Variants in LURAP1L observed in about 807,000 individuals in gnomAD.
LURAP1L encodes the protein leucine rich adaptor protein 1-like.
In LURAP1L, 12 loss-of-function variants were observed where a neutral mutation model predicts 13.8. The ratio of observed to expected loss-of-function variants is 0.87; its 90% CI spans 0.56 to 1.41. The LOEUF (loss-of-function observed/expected upper bound fraction) is 1.41, where lower values mean the gene tolerates loss of function less well. LURAP1L is among the 40% of genes most tolerant of loss of function. LURAP1L has a pLI of 0.00. For synonymous variants in LURAP1L, 139 were observed against 119.2 expected, an observed-to-expected ratio of 1.17 and a Z score of -1.08; for missense variants, 375 against 292.9, an observed-to-expected ratio of 1.28 and a Z score of -2.04.
intron 1 of LURAP1L, among the ~76,000 whole-genome samples, chr9:12,790,320 A>G (rs970467445): frequency 4.6e-5 from 7 of 152,156 alleles, no homozygotes; most frequent in Non-Finnish European, 7.4e-5. Context: ...ATCAATGCTT[A>G]TATGTCCTTA....
In LURAP1L at chr9:12,775,610, G is replaced by C. The variant is rs1285869976; in HGVS notation, c.-106G>C. The C allele has an allele frequency of 2.0e-5, 29 of 1,461,528 alleles. No homozygotes were observed. Among genetic ancestry groups the C allele is most frequent in the Admixed American group, 2.8e-5 (1 of 35,984 alleles). The allele number at this position is 1,461,528 out of a possible 1,614,324, so 90.5% of individuals were successfully genotyped here. Reference sequence around the variant, plus strand: ...GTACACCGGAGCGGCGGAGGATAGAGACCCTGGCCCCCGGAGAGGTCTGCT... The same window carrying C: ...GTACACCGGAGCGGCGGAGGATAGACACCCTGGCCCCCGGAGAGGTCTGCT... On this transcript the variant is annotated 5_prime_UTR_variant, in exon 1 of 2. Transcript: ENST00000319264.
rs1049121350 is a variant in LURAP1L, at chr9:12,822,546, G to C, written c.*786G>C. Among the ~76,000 whole-genome samples, 2 of 152,192 alleles carry C rather than the reference G, an allele frequency of 1.3e-5. No homozygotes were observed. The highest frequency in any genetic ancestry group is 1.3e-4 in the Admixed American group (2 of 15,290). On this transcript the variant is annotated 3_prime_UTR_variant, in exon 2 of 2. Coordinates refer to ENST00000319264, the MANE Select transcript of LURAP1L (RefSeq NM_203403.2). The stretch of plus-strand genomic sequence containing the variant: ...TTTGAGATTTTGTTGGCATTTACTT[G>C]TATGTATTTTGTGATTCTGATAGGA...
At chr9:12,798,214 G>A (rs1039804303) in intron 1 of LURAP1L, among the ~76,000 whole-genome samples, 1 of 152,148 alleles carries the variant, frequency 6.6e-6, no homozygotes, top group Non-Finnish European at 1.5e-5. Flanking sequence ...GTATTACAAA[G>A]CTGGGCGTCT....
intron 1 of LURAP1L, among the ~76,000 whole-genome samples, chr9:12,815,330 C>G (rs530883742): frequency 1.3e-5 from 2 of 152,194 alleles, no homozygotes; most frequent in African/African-American, 4.8e-5. Context: ...TTAAACAGCT[C>G]TTCAGTTTAT....
In LURAP1L at chr9:12,795,705, G is replaced by A. The variant is rs367690862; in HGVS notation, c.312+19678G>A. Among the ~76,000 whole-genome samples, 103 of 152,144 alleles carry A rather than the reference G, an allele frequency of 6.8e-4. 3 individuals carry two copies. In the South Asian group the frequency reaches 0.02, roughly 29 times the overall value. On this transcript the variant is annotated intron_variant, in intron 1 of 1. Coordinates refer to ENST00000319264, the MANE Select transcript of LURAP1L (RefSeq NM_203403.2). ...CGACCACTTGTAGTTGTTATGTTAGGGAAGTGATACAATGAAAGTCGTCTT... is the reference window on the plus strand; with the variant it reads ...CGACCACTTGTAGTTGTTATGTTAGAGAAGTGATACAATGAAAGTCGTCTT...
chr9:12,794,397 G>C (rs1488591238), intron 1 of LURAP1L, among the ~76,000 whole-genome samples: 1 of 151,892 alleles, frequency 6.6e-6, no homozygotes, highest in African/African-American at 2.4e-5. Flanking sequence ...GTGTCAACAA[G>C]ATCAAATAAC....
chr9:12,809,758 T>C (rs1176898309), intron 1 of LURAP1L, among the ~76,000 whole-genome samples: 2 of 152,226 alleles, frequency 1.3e-5, no homozygotes, highest in East Asian at 3.9e-4. Context: ...TATATTTATG[T>C]GACTAGGAGT....
intron 1 of LURAP1L, among the ~76,000 whole-genome samples, chr9:12,805,719 G>A (rs751187176): frequency 6.6e-6 from 1 of 152,098 alleles, no homozygotes. Context: ...TCCAAAGGGG[G>A]AACATTTTAT....
At chr9:12,789,193 C>A (rs1354603650) in intron 1 of LURAP1L, among the ~76,000 whole-genome samples, 1 of 151,726 alleles carries the variant, frequency 6.6e-6, no homozygotes, top group Non-Finnish European at 1.5e-5. Context: ...TTCAAGGAAC[C>A]ACAACTCTGT....
At chr9:12,781,466 T>C (rs1211823559) in intron 1 of LURAP1L, among the ~76,000 whole-genome samples, 1 of 152,172 alleles carries the variant, frequency 6.6e-6, no homozygotes, top group Non-Finnish European at 1.5e-5. Flanking sequence ...TGAGTTCAAC[T>C]GTTTTCATTT....
chr9:12,795,216 A>G (rs1819497018), intron 1 of LURAP1L, among the ~76,000 whole-genome samples: 1 of 151,606 alleles, frequency 6.6e-6, no homozygotes, highest in South Asian at 2.1e-4. Context: ...TCCCACCCCT[A>G]TTTCCTACAC....
intron 1 of LURAP1L, among the ~76,000 whole-genome samples, chr9:12,786,673 A>T (rs1819360965): frequency 6.7e-6 from 1 of 149,032 alleles, no homozygotes; most frequent in Non-Finnish European, 1.5e-5. Flanking sequence ...TGGGATGCTC[A>T]TGATAACAAA....
intron 1 of LURAP1L, among the ~76,000 whole-genome samples, chr9:12,789,983 G>A (rs146885843): frequency 6.6e-6 from 1 of 152,162 alleles, no homozygotes; most frequent in South Asian, 2.1e-4. Flanking sequence ...TACACAAGAA[G>A]CCACCAAGTA....
chr9:12,800,484 T>G (rs113073004), intron 1 of LURAP1L, among the ~76,000 whole-genome samples: 2 of 151,852 alleles, frequency 1.3e-5, no homozygotes. Context: ...TTTACTACAC[T>G]GTCTTCATTA....
intron 1 of LURAP1L, among the ~76,000 whole-genome samples, chr9:12,796,281 T>G (rs1046914867): frequency 2.6e-5 from 4 of 151,986 alleles, no homozygotes; most frequent in African/African-American, 4.8e-5. Flanking sequence ...TAAAGAAGAG[T>G]GACCAAAAAA....
At chr9:12,806,946 A>G (rs1447235075) in intron 1 of LURAP1L, among the ~76,000 whole-genome samples, 1 of 145,220 alleles carries the variant, frequency 6.9e-6, no homozygotes. Context: ...CTGAACAACT[A>G]AAGTCTTTTA....
chr9:12,791,235 T>A lies in LURAP1L; in HGVS notation c.312+15208T>A, dbSNP rs996942067. On this transcript the variant is annotated intron_variant, in intron 1 of 1. Transcript: ENST00000319264. ...CAGAATTATAATGAATTTTAAGGAA[T>A]CGACCTGTTTTTCTCTTTGTGATTT... Among the ~76,000 whole-genome samples the A allele has an allele frequency of 2.6e-5, 4 of 152,164 alleles. No individual in the cohort carries two copies. The South Asian group carries it at 8.3e-4, about 31-fold the overall frequency.
chr9:12,813,425 C>T (rs1006571208), intron 1 of LURAP1L, among the ~76,000 whole-genome samples: 1 of 151,898 alleles, frequency 6.6e-6, no homozygotes, highest in Non-Finnish European at 1.5e-5. Context: ...GCTCTAGTAC[C>T]GAGTATCTCT....
At chr9:12,814,259 C>A (rs1223226875) in intron 1 of LURAP1L, 1 of 152,058 alleles carries the variant, frequency 6.6e-6, no homozygotes, top group Non-Finnish European at 1.5e-5. Flanking sequence ...ATCTTAAGTT[C>A]TAAATTGAAA....
Sources: allele counts gnomAD v4.1 joint callset (sites outside exome capture counted in the v4.1 genomes callset), GRCh38; gene constraint gnomAD v4.1.1; transcripts MANE v1.5; gene names NCBI Gene and HGNC (gene_info 2026-07-23, HGNC 2026-07-21).